Variants in ACER3 observed in about 807,000 individuals in gnomAD.
ACER3 encodes the protein alkaline ceramidase 3.
Under a neutral mutation model 48.9 loss-of-function variants are expected in ACER3, and 16 were observed. The observed-to-expected ratio is 0.33, with a 90% CI of 0.22 to 0.50. ACER3 has a LOEUF of 0.50. ACER3 is among the 20% of genes least tolerant of loss of function. The pLI is 0.98. For synonymous variants in ACER3, 109 were observed against 107.8 expected, an observed-to-expected ratio of 1.01 and a Z score of -0.07; for missense variants, 227 against 326.0, an observed-to-expected ratio of 0.70 and a Z score of 2.34.
intron 4 of ACER3, among the ~76,000 whole-genome samples, chr11:76,981,676 TATA>T (rs1948587507): frequency 6.6e-6 from 1 of 152,224 alleles, no homozygotes. Context: ...TTTTATTCAG[TATA>T]ATATTTTTTG....
chr11:76,991,844 A>C (rs1948810998), intron 6 of ACER3, among the ~76,000 whole-genome samples: 1 of 151,702 alleles, frequency 6.6e-6, no homozygotes, highest in South Asian at 2.1e-4. Context: ...AAAGAAAAGA[A>C]AAGACATCCT....
intron 2 of ACER3, among the ~76,000 whole-genome samples, chr11:76,935,332 A>G (rs1380178786): frequency 6.6e-6 from 1 of 152,206 alleles, no homozygotes. Flanking sequence ...ATTTAAAATT[A>G]TAATTCAAGA....
At chr11:76,928,296 T>C (rs1946888893) in intron 2 of ACER3, among the ~76,000 whole-genome samples, 1 of 152,182 alleles carries the variant, frequency 6.6e-6, no homozygotes, top group Non-Finnish European at 1.5e-5. Context: ...TTGCCCACTT[T>C]TTGATGGGGT....
At chr11:76,885,407 C>A (rs768482830) in intron 1 of ACER3, among the ~76,000 whole-genome samples, 4 of 152,076 alleles carry the variant, frequency 2.6e-5, no homozygotes, top group Non-Finnish European at 5.9e-5. Flanking sequence ...AGGTTTTAAG[C>A]CCCGCATGCC....
At chr11:76,890,846 G>T (rs960275331) in intron 1 of ACER3, among the ~76,000 whole-genome samples, 4 of 152,132 alleles carry the variant, frequency 2.6e-5, no homozygotes, top group Admixed American at 6.5e-5. Flanking sequence ...ATCACCGGGT[G>T]CGGTGGCTCA....
Position 76,996,482 on chromosome 11 carries a change from G to C in ACER3, c.439-2281G>C, listed in dbSNP as rs1458013806. On this transcript the variant is annotated intron_variant, in intron 6 of 10. Coordinates refer to ENST00000532485, the MANE Select transcript of ACER3 (RefSeq NM_018367.7). ...TGCCCAGGCTGGAGTGCAATAGCAC[G>C]ATCTTGGCTCACTGCAACCTCTGCC... 3.3e-5 allele frequency among the ~76,000 whole-genome samples: 5 copies of C among 151,390 alleles called. No individual in the cohort carries two copies. In the East Asian group the frequency reaches 5.8e-4, roughly 18 times the overall value.
At chr11:76,952,261 T>C (rs1947691788) in intron 2 of ACER3, among the ~76,000 whole-genome samples, 1 of 148,110 alleles carries the variant, frequency 6.8e-6, no homozygotes, top group Non-Finnish European at 1.5e-5. Flanking sequence ...ATTCTTTCTT[T>C]CTTTTTTTTT....
intron 2 of ACER3, among the ~76,000 whole-genome samples, chr11:76,933,835 CT>C (rs1947087571): frequency 6.6e-6 from 1 of 151,146 alleles, no homozygotes; most frequent in South Asian, 2.1e-4. Flanking sequence ...GGCGGAGGGG[CT>C]CCTCACTTCC....
chr11:76,894,542 G>A (rs1945884110), intron 1 of ACER3, among the ~76,000 whole-genome samples: 1 of 152,112 alleles, frequency 6.6e-6, no homozygotes, highest in Non-Finnish European at 1.5e-5. Context: ...AATCTTTGGA[G>A]CCTCAGTTTC....
intron 1 of ACER3, chr11:76,868,389 CTCTGTGTGTGTGTG>C (rs897582570): frequency 5.3e-5 from 10 of 187,108 alleles, no homozygotes; most frequent in East Asian, 3.6e-4. Flanking sequence ...CTCTCTCTCT[CTCTGTGTGTGTGTG>C]TGTGTGTGTG....
intron 1 of ACER3, among the ~76,000 whole-genome samples, chr11:76,886,481 T>C (rs1478596993): frequency 1.3e-5 from 2 of 152,176 alleles, no homozygotes; most frequent in African/African-American, 2.4e-5. Flanking sequence ...GTATAACACT[T>C]AGGAGATACG....
At chr11:76,919,610 A>G (rs1173673077) in intron 1 of ACER3, among the ~76,000 whole-genome samples, 1 of 152,228 alleles carries the variant, frequency 6.6e-6, no homozygotes, top group African/African-American at 2.4e-5. Flanking sequence ...TGTGTGGTGT[A>G]TGAATGAATA....
intron 8 of ACER3, among the ~76,000 whole-genome samples, chr11:77,016,078 G>A (rs1949361361): frequency 6.9e-6 from 1 of 144,056 alleles, no homozygotes. Context: ...CTGTACTCCA[G>A]CCTGGGCGAC....
At chr11:76,942,825 G>C (rs1335471265) in intron 2 of ACER3, among the ~76,000 whole-genome samples, 1 of 151,748 alleles carries the variant, frequency 6.6e-6, no homozygotes, top group Non-Finnish European at 1.5e-5. Context: ...ACTTTGTTTT[G>C]TTGGGAGATT....
At chr11:76,964,495 G>A (rs2135075843) in intron 3 of ACER3, among the ~76,000 whole-genome samples, 1 of 151,470 alleles carries the variant, frequency 6.6e-6, no homozygotes, top group Non-Finnish European at 1.5e-5. Flanking sequence ...CTTGAGATCT[G>A]AGAACGGGCA....
intron 6 of ACER3, among the ~76,000 whole-genome samples, chr11:76,995,081 C>T (rs911823961): frequency 2.0e-5 from 3 of 152,074 alleles, no homozygotes; most frequent in African/African-American, 7.2e-5. Flanking sequence ...TGAAACAATA[C>T]ACTATAGATA....
At chr11:76,943,010 T>C (rs73489582) in intron 2 of ACER3, among the ~76,000 whole-genome samples, 16,325 of 151,990 alleles carry the variant, frequency 0.11, 2,897 homozygotes, top group African/African-American at 0.37. Flanking sequence ...TTTTGTGGTA[T>C]CAATTGTAAT....
chr11:76,945,556 T>C (rs1947450859), intron 2 of ACER3, among the ~76,000 whole-genome samples: 1 of 152,122 alleles, frequency 6.6e-6, no homozygotes, highest in Non-Finnish European at 1.5e-5. Context: ...TGCTGGGGGC[T>C]TGGACACCCG....
rs184327081 is a variant in ACER3, at chr11:76,888,360, T to C, written c.103+27281T>C. ...TCTGTTTCTTTTGCCTGGCATATTT[T>C]TTCCCCAGTCTCTTACTTTCAGTAA... is the stretch of plus-strand genomic sequence containing the variant. On this transcript the variant is annotated intron_variant, in intron 1 of 10. Transcript: ENST00000532485. Among the ~76,000 whole-genome samples the C allele has an allele frequency of 7.9e-4, 120 of 152,370 alleles. 2 individuals carry two copies. Among genetic ancestry groups the C allele is most frequent in the Non-Finnish European group, 3.1e-4 (21 of 68,034 alleles).
Sources: gnomAD v4.1 joint callset for allele counts (sites outside exome capture counted in the v4.1 genomes callset) on GRCh38, gnomAD v4.1.1 for gene constraint, MANE v1.5 for transcripts, NCBI Gene and HGNC (gene_info 2026-07-23, HGNC 2026-07-21) for gene names.